The following CDH23 variants were observed in gnomAD, a reference collection of about 807,000 sequenced individuals.
The protein encoded by CDH23 is cadherin related 23.
A neutral mutation model predicts 317.1 loss-of-function variants in CDH23; 189 were observed. That is an observed-to-expected ratio of 0.60 (90% confidence interval 0.53 to 0.67). The LOEUF (loss-of-function observed/expected upper bound fraction) is 0.67, where lower values mean the gene tolerates loss of function less well. CDH23 is among the 30% of genes least tolerant of loss of function. CDH23 has a pLI of 0.00. For missense variants in CDH23, 4,401 were observed against 4,592.4 expected (o/e 0.96, Z 1.20); for synonymous variants, 1,839 against 1,876.8 (o/e 0.98, Z 0.52).
intron 19 of CDH23, among the ~76,000 whole-genome samples, chr10:71,689,260 G>A (rs1414420190): frequency 6.6e-6 from 1 of 151,948 alleles, no homozygotes; most frequent in African/African-American, 2.4e-5. Context: ...GTCTTTCCTG[G>A]CACCACGAGG....
rs149524515 is a variant in CDH23 at position 71,448,005 on chromosome 10, G to T, written c.145+1610G>T. Reference sequence around the variant, plus strand: ...TCATCCTCTGGGAGATCCCTTTGTGGTGGAGGGATATATTTGGAGCAGGTG... The same window carrying T: ...TCATCCTCTGGGAGATCCCTTTGTGTTGGAGGGATATATTTGGAGCAGGTG... On this transcript the variant is annotated intron_variant, in intron 3 of 69. Coordinates refer to ENST00000224721, the MANE Select transcript of CDH23 (RefSeq NM_022124.6). 9.1e-3 allele frequency among the ~76,000 whole-genome samples: 1,386 copies of T among 152,310 alleles called. 24 individuals carry two copies. Among genetic ancestry groups the T allele is most frequent in the African/African-American group, 0.032 (1,311 of 41,564 alleles).
Position 71,777,687 on chromosome 10 carries a change from C to A in CDH23, c.4853C>A (p.Thr1618Lys). 1 of 1,610,542 alleles carries A rather than the reference C, an allele frequency of 6.2e-7. No individual in the cohort carries two copies. Among genetic ancestry groups the A allele is most frequent in the Non-Finnish European group, 8.5e-7 (1 of 1,178,588 alleles). ...ACCCACTCTTTTCCACAGGCCACCACGCACGTGTACGTGACCATTGTGGAT... is the reference window on the plus strand; with the variant it reads ...ACCCACTCTTTTCCACAGGCCACCAAGCACGTGTACGTGACCATTGTGGAT... ...DEGTPTLSAT[T>K]HVYVTIVDEN... is the part of the protein sequence containing the mutation. The change falls in exon 39 of 70, where the codon ACG (threonine) becomes AAG (lysine). Residue 1618 changes from threonine (T) to lysine (K), a missense_variant. Coordinates refer to ENST00000224721, the MANE Select transcript of CDH23 (RefSeq NM_022124.6).
intron 53 of CDH23, among the ~76,000 whole-genome samples, chr10:71,800,979 A>G (rs1445229043): frequency 6.6e-6 from 1 of 152,172 alleles, no homozygotes; most frequent in Non-Finnish European, 1.5e-5. Context: ...CCAAACTGCT[A>G]TTTGGCAAAA....
intron 6 of CDH23, among the ~76,000 whole-genome samples, chr10:71,556,428 C>G (rs1405254796): frequency 1.3e-5 from 2 of 151,990 alleles, no homozygotes; most frequent in Non-Finnish European, 2.9e-5. Context: ...TGGTAAAACC[C>G]TGTCTCTACT....
chr10:71,706,871 GC>G (rs1303718480), intron 25 of CDH23, 25 bp from the exon 26 acceptor site: 33 of 1,572,432 alleles, frequency 2.1e-5, no homozygotes, highest in African/African-American at 9.5e-5. Context: ...GCCAGGCCTA[GC>G]CCCGGCGCCC....
At chr10:71,732,787 T>C in intron 32 of CDH23, 1 of 906,206 alleles carries the variant, frequency 1.1e-6, no homozygotes, top group Non-Finnish European at 1.4e-6. Context: ...TCACCTCTGG[T>C]CATCGAAGTG....
intron 9 of CDH23, among the ~76,000 whole-genome samples, chr10:71,585,465 G>A (rs1188966124): frequency 6.6e-6 from 1 of 152,150 alleles, no homozygotes; most frequent in Non-Finnish European, 1.5e-5. Flanking sequence ...TCTCAAGCTG[G>A]AACAAACCTG....
In CDH23 at chr10:71,690,776, G is replaced by A. The variant is rs374101944; in HGVS notation, c.2176+192G>A. On this transcript the variant is annotated intron_variant, in intron 20 of 69. Transcript: ENST00000224721. ...CTGATCTTACCCAAAAAATCACAAC[G>A]TGAATTGACCCAGTGAAGGACGTCT... Among the ~76,000 whole-genome samples the A allele has an allele frequency of 9.2e-5, 14 of 152,338 alleles. No homozygotes were observed. In the East Asian group the frequency reaches 1.5e-3, roughly 17 times the overall value.
At chr10:71,428,582 A>G (rs1389060664) in intron 1 of CDH23, among the ~76,000 whole-genome samples, 1 of 149,964 alleles carries the variant, frequency 6.7e-6, no homozygotes, top group African/African-American at 2.5e-5. Context: ...GGCCATTTGT[A>G]TATCTTCTTC....
intron 14 of CDH23, among the ~76,000 whole-genome samples, chr10:71,667,322 A>C (rs917514343): frequency 2.1e-5 from 3 of 145,606 alleles, no homozygotes; most frequent in Non-Finnish European, 4.5e-5. Flanking sequence ...GCTGGAGACA[A>C]GTAGGGGTGC....
rs1589384867 is a variant in CDH23, at chr10:71,734,768, GA to G, written c.4209+111del. On this transcript the variant is annotated intron_variant, in intron 34 of 69. Transcript: ENST00000224721. ...ACCTCTCCCAGAGAGAAGGCACGTG[GA>G]CAGGCCTGCAGCAGGCCCCCTCCCA... 3 of 659,062 alleles carry G rather than the reference GA, an allele frequency of 4.6e-6. No homozygotes were observed. The African/African-American group carries it at 5.5e-5, about 12-fold the overall frequency. The allele number at this position is 659,062 out of a possible 1,614,324, so 40.8% of individuals were successfully genotyped here.
chr10:71,496,232 A>G (rs947187105), intron 3 of CDH23, among the ~76,000 whole-genome samples: 5 of 152,260 alleles, frequency 3.3e-5, no homozygotes, highest in East Asian at 1.9e-4. Context: ...TGATGCTAAT[A>G]TGAAATCAGG....
intron 9 of CDH23, among the ~76,000 whole-genome samples, chr10:71,608,691 CAGGCATG>C (rs1326902703): frequency 6.6e-6 from 1 of 152,228 alleles, no homozygotes; most frequent in African/African-American, 2.4e-5. Flanking sequence ...GCTGGGTCTC[CAGGCATG>C]AGAATTAAAG....
rs1478233886 is a variant in CDH23, at chr10:71,629,523, C to A, written c.1134+12130C>A. Among the ~76,000 whole-genome samples, 4 of 152,190 alleles carry A rather than the reference C, an allele frequency of 2.6e-5. No homozygotes were observed. In the East Asian group the frequency reaches 7.7e-4, roughly 29 times the overall value. On this transcript the variant is annotated intron_variant, in intron 11 of 69. Transcript: ENST00000224721. ...TCACAGGAATGAGATGGCAAGCCGC[C>A]TAAGGGAAGCAGGCAGGCAGTGATG...
At chr10:71,434,930 G>A (rs530349432) in intron 1 of CDH23, among the ~76,000 whole-genome samples, 15 of 152,266 alleles carry the variant, frequency 9.9e-5, no homozygotes, top group African/African-American at 3.6e-4. Flanking sequence ...TTCTTGGCAT[G>A]TGCAGCTTAC....
chr10:71,534,393 C>T (rs936687353), intron 6 of CDH23, among the ~76,000 whole-genome samples: 3 of 152,188 alleles, frequency 2.0e-5, no homozygotes, highest in East Asian at 3.8e-4. Flanking sequence ...GCTATCACTG[C>T]GGAGAAAAAC....
At chr10:71,645,174 T>G in intron 12 of CDH23, among the ~76,000 whole-genome samples, 1 of 152,212 alleles carries the variant, frequency 6.6e-6, no homozygotes, top group Non-Finnish European at 1.5e-5. Context: ...GGCTTGGGCC[T>G]CTGGGACACA....
chr10:71,663,625 G>A (rs941085061), intron 14 of CDH23, among the ~76,000 whole-genome samples: 12 of 152,170 alleles, frequency 7.9e-5, no homozygotes, highest in African/African-American at 1.4e-4. Flanking sequence ...TCTGAGCCTC[G>A]CTTTCCTTGT....
intron 11 of CDH23, among the ~76,000 whole-genome samples, chr10:71,630,792 G>T (rs943368103): frequency 6.6e-6 from 1 of 152,148 alleles, no homozygotes; most frequent in Non-Finnish European, 1.5e-5. Flanking sequence ...AATGCTCCTC[G>T]ATGGCCGATC....
Sources: allele counts gnomAD v4.1 joint callset (sites outside exome capture counted in the v4.1 genomes callset), GRCh38; gene constraint gnomAD v4.1.1; transcripts MANE v1.5; gene names NCBI Gene and HGNC (gene_info 2026-07-23, HGNC 2026-07-21).